Variants in ZNF704 observed in about 807,000 individuals in gnomAD.
ZNF704 encodes glucocorticoid induced gene 1.
A neutral mutation model predicts 44.7 loss-of-function variants in ZNF704; 10 were observed. The ratio of observed to expected loss-of-function variants is 0.22; its 90% CI spans 0.14 to 0.38. The LOEUF is 0.38. ZNF704 is among the 10% of genes least tolerant of loss of function. ZNF704 has a pLI of 1.00. For synonymous variants in ZNF704, 211 were observed against 207.6 expected (o/e 1.02, Z -0.14); for missense variants, 390 against 545.5 (o/e 0.71, Z 2.84).
At chr8:80,769,563 T>C (rs957839530) in intron 2 of ZNF704, among the ~76,000 whole-genome samples, 1 of 152,212 alleles carries the variant, frequency 6.6e-6, no homozygotes, top group Non-Finnish European at 1.5e-5. Context: ...AGGGGCAAAA[T>C]GCCACCAGTC....
Position 80,709,441 on chromosome 8 carries a change from TCAAAA to T in ZNF704, c.222-16339_222-16335del, listed in dbSNP as rs1289379215. Among the ~76,000 whole-genome samples, 78 of 33,368 alleles carry T rather than the reference TCAAAA, an allele frequency of 2.3e-3. 4 individuals carry two copies. The highest frequency in any genetic ancestry group is 4.9e-3 in the African/African-American group (67 of 13,548). 21.9% of individuals were successfully genotyped at this position (33,368 alleles called of 152,430 possible). On this transcript the variant is annotated intron_variant, in intron 2 of 8. Coordinates refer to ENST00000327835, the MANE Select transcript of ZNF704 (RefSeq NM_001033723.3). ...CTTGGCAACAGTGCGAGACTCCATC[TCAAAA>T]AAAAAAAAAAAAAAAAAAAAAAAAA...
Position 80,628,910 on chromosome 8 carries a change from T to C in ZNF704, c.*12456A>G, listed in dbSNP as rs994436137. 2 of 152,242 alleles carry C rather than the reference T, an allele frequency of 1.3e-5. No homozygotes were observed. The highest frequency in any genetic ancestry group is 4.8e-5 in the African/African-American group (2 of 41,468). The allele number at this position is 152,242 out of a possible 1,614,324, so 9.4% of individuals were successfully genotyped here. ...ATGCCCATTTCAAGTAGATGCCAGC[T>C]GTCCCCTTGGGAAAGTGCAGTTTAA... On this transcript the variant is annotated 3_prime_UTR_variant, in exon 9 of 9. Transcript: ENST00000327835.
intron 7 of ZNF704, among the ~76,000 whole-genome samples, chr8:80,647,502 T>C (rs1817852008): frequency 1.3e-5 from 2 of 152,180 alleles, no homozygotes; most frequent in African/African-American, 2.4e-5. Flanking sequence ...ACAGATCACT[T>C]TGGCACTTTG....
chr8:80,646,159 C>G (rs149712332), intron 7 of ZNF704, among the ~76,000 whole-genome samples: 1 of 152,324 alleles, frequency 6.6e-6, no homozygotes, highest in Non-Finnish European at 1.5e-5. Context: ...TCTGTTATAG[C>G]AGCACAAAAC....
chr8:80,740,736 C>T (rs1806742659), intron 2 of ZNF704, among the ~76,000 whole-genome samples: 1 of 152,164 alleles, frequency 6.6e-6, no homozygotes, highest in Non-Finnish European at 1.5e-5. Context: ...TCTTCTTTGC[C>T]TTTGAAGATC....
intron 2 of ZNF704, among the ~76,000 whole-genome samples, chr8:80,794,119 A>G (rs1807759062): frequency 6.6e-6 from 1 of 152,202 alleles, no homozygotes; most frequent in Admixed American, 6.5e-5. Flanking sequence ...TAACAAAGCT[A>G]CAAAAAAAGA....
At chr8:80,666,440 T>C (rs1272650132) in intron 5 of ZNF704, among the ~76,000 whole-genome samples, 2 of 151,146 alleles carry the variant, frequency 1.3e-5, no homozygotes, top group Non-Finnish European at 2.9e-5. Flanking sequence ...TGCATGTGTC[T>C]TTATAGCAGC....
rs533568368 is a variant in ZNF704 at position 80,791,734 on chromosome 8, C to CT, written c.221+29639dup. Among the ~76,000 whole-genome samples the CT allele has an allele frequency of 6.6e-5, 10 of 152,230 alleles. 1 individual carries two copies. In the South Asian group the frequency reaches 2.1e-3, roughly 32 times the overall value. On this transcript the variant is annotated intron_variant, in intron 2 of 8. Coordinates refer to ENST00000327835, the MANE Select transcript of ZNF704 (RefSeq NM_001033723.3). Reference sequence around the variant, plus strand: ...GCTGAAAAAAAAAATGATGGCAGCACTTTCAGCAAGGGAGCAGGGAACAGC... The same window carrying CT: ...GCTGAAAAAAAAAATGATGGCAGCACTTTTCAGCAAGGGAGCAGGGAACAGC...
At chr8:80,645,531 TG>T (rs1272430633) in intron 7 of ZNF704, among the ~76,000 whole-genome samples, 4 of 152,156 alleles carry the variant, frequency 2.6e-5, no homozygotes, top group Admixed American at 2.6e-4. Context: ...ATTATGGGGA[TG>T]GATCCCTCAT....
intron 1 of ZNF704, among the ~76,000 whole-genome samples, chr8:80,834,544 T>A (rs1292417392): frequency 2.6e-5 from 4 of 152,204 alleles, no homozygotes; most frequent in Admixed American, 2.6e-4. Flanking sequence ...CTTTAAGTTC[T>A]GGGATACATG....
At chr8:80,786,077 C>T (rs757654366) in intron 2 of ZNF704, among the ~76,000 whole-genome samples, 61 of 151,848 alleles carry the variant, frequency 4.0e-4, no homozygotes, top group Non-Finnish European at 1.0e-4. Context: ...CTGGGCAACA[C>T]GGGGAAACTC....
rs117724831 is a variant in ZNF704, at chr8:80,647,447, C to A, written c.1033-4318G>T. On this transcript the variant is annotated intron_variant, in intron 7 of 8. Transcript: ENST00000327835. ...TGTTATTCTAACGGCAATAAGTAAG[C>A]CATTGGAGTGTTTTTAAAAGTAAGA... is the stretch of plus-strand genomic sequence containing the variant. Among the ~76,000 whole-genome samples the A allele has an allele frequency of 2.4e-4, 36 of 151,726 alleles. No individual in the cohort carries two copies. In the East Asian group the frequency reaches 6.8e-3, roughly 28 times the overall value.
chr8:80,677,026 T>C (rs1044248657), intron 4 of ZNF704, among the ~76,000 whole-genome samples: 13 of 152,176 alleles, frequency 8.5e-5, no homozygotes, highest in African/African-American at 2.4e-4. Flanking sequence ...AAGCATAAGA[T>C]ACTATTTCCA....
intron 2 of ZNF704, among the ~76,000 whole-genome samples, chr8:80,723,860 T>C (rs1014762796): frequency 6.6e-6 from 1 of 152,184 alleles, no homozygotes; most frequent in African/African-American, 2.4e-5. Flanking sequence ...CACTGGTTAA[T>C]CCAGGGAGCC....
intron 4 of ZNF704, among the ~76,000 whole-genome samples, chr8:80,685,085 C>T (rs1293418761): frequency 6.6e-6 from 1 of 151,556 alleles, no homozygotes; most frequent in African/African-American, 2.4e-5. Context: ...TCATTCCTTC[C>T]CACTATCCAG....
intron 1 of ZNF704, among the ~76,000 whole-genome samples, chr8:80,832,163 G>T (rs553307159): frequency 4.1e-4 from 63 of 152,156 alleles, no homozygotes; most frequent in African/African-American, 1.5e-3. Flanking sequence ...TGTTTTCCTA[G>T]AAGAAGATAA....
At chr8:80,781,240 C>T (rs1450686383) in intron 2 of ZNF704, among the ~76,000 whole-genome samples, 1 of 152,094 alleles carries the variant, frequency 6.6e-6, no homozygotes, top group African/African-American at 2.4e-5. Context: ...TAAACCATCC[C>T]ATTAACACAA....
At chr8:80,642,999 G>T in intron 8 of ZNF704, 36 bp downstream of exon 8, 1 of 1,404,106 alleles carries the variant, frequency 7.1e-7, no homozygotes, top group African/African-American at 1.4e-5. Flanking sequence ...TAATTCCCTT[G>T]TGGTGAGGTG....
chr8:80,652,276 A>G (rs1817934899), intron 7 of ZNF704, among the ~76,000 whole-genome samples: 1 of 152,106 alleles, frequency 6.6e-6, no homozygotes, highest in Non-Finnish European at 1.5e-5. Flanking sequence ...GCAAGAGCAA[A>G]CACATTCAAA....
Sources: gnomAD v4.1 joint callset for allele counts (sites outside exome capture counted in the v4.1 genomes callset) on GRCh38, gnomAD v4.1.1 for gene constraint, MANE v1.5 for transcripts, NCBI Gene and HGNC (gene_info 2026-07-23, HGNC 2026-07-21) for gene names.